RANBP17: variants seen among roughly 807,000 people sequenced by gnomAD.
The protein encoded by RANBP17 is RAN binding protein 17.
Under a neutral mutation model 141.2 loss-of-function variants are expected in RANBP17, and 158 were observed. The ratio of observed to expected loss-of-function variants is 1.12; its 90% CI spans 0.98 to 1.28. RANBP17 has a LOEUF of 1.28. Among genes scored for constraint, RANBP17 ranks in the 50% most tolerant of loss-of-function variants. The pLI, the probability that RANBP17 is intolerant of heterozygous loss-of-function variation, is 0.00. For synonymous variants in RANBP17, 430 were observed against 450.0 expected, an observed-to-expected ratio of 0.96 and a Z score of 0.56; for missense variants, 1,438 against 1,290.7, an observed-to-expected ratio of 1.11 and a Z score of -1.75.
chr5:171,121,652 A>C (rs1053171234), intron 14 of RANBP17, among the ~76,000 whole-genome samples: 3 of 152,136 alleles, frequency 2.0e-5, no homozygotes, highest in African/African-American at 7.2e-5. Flanking sequence ...TTCTGGGTAG[A>C]AGTGAGGACA....
In RANBP17 at chr5:170,909,622, A is replaced by G. The variant is rs76971279; in HGVS notation, c.490-39A>G. 5,298 of 673,536 alleles carry G rather than the reference A, an allele frequency of 7.9e-3. 262 individuals carry two copies. In the African/African-American group the frequency reaches 0.11, roughly 14 times the overall value. 41.7% of individuals were successfully genotyped at this position (673,536 alleles called of 1,614,324 possible). A position where few individuals can be genotyped will look rare whatever the true frequency, so the allele number is the denominator to read the frequency against. ...TTAGTAAATTTTGGTTTGCTTTTTC[A>G]TAGGTCTGGTTAAACTAATTTCATC... On this transcript the variant is annotated intron_variant, in intron 5 of 27. Transcript: ENST00000523189.
chr5:171,166,325 T>G (rs904144452), intron 14 of RANBP17, among the ~76,000 whole-genome samples: 9 of 152,184 alleles, frequency 5.9e-5, no homozygotes, highest in Admixed American at 5.9e-4. Context: ...ACAGATAGGT[T>G]TAGTCTCTTA....
At chr5:170,987,189 A>T (rs1778202725) in intron 14 of RANBP17, among the ~76,000 whole-genome samples, 1 of 151,788 alleles carries the variant, frequency 6.6e-6, no homozygotes, top group South Asian at 2.1e-4. Flanking sequence ...CATGTAGATT[A>T]TAGGGGAAAG....
chr5:171,065,397 C>A (rs1041288382), intron 14 of RANBP17, among the ~76,000 whole-genome samples: 1 of 152,130 alleles, frequency 6.6e-6, no homozygotes, highest in East Asian at 1.9e-4. Context: ...AACCTAGATC[C>A]CTCCCATGCA....
chr5:170,862,793 C>T (rs1216591663), intron 1 of RANBP17, among the ~76,000 whole-genome samples: 2 of 152,220 alleles, frequency 1.3e-5, no homozygotes, highest in Non-Finnish European at 2.9e-5. Flanking sequence ...CCCACTGTGT[C>T]TCAAGCATTG....
intron 24 of RANBP17, among the ~76,000 whole-genome samples, chr5:171,247,103 A>G (rs1470564388): frequency 6.6e-6 from 1 of 152,208 alleles, no homozygotes. Context: ...GAGGTGAAAC[A>G]ATTTGCCTAA....
intron 14 of RANBP17, among the ~76,000 whole-genome samples, chr5:171,063,930 G>T (rs867927496): frequency 6.6e-6 from 1 of 152,248 alleles, no homozygotes; most frequent in African/African-American, 2.4e-5. Flanking sequence ...TGTGCTAGCA[G>T]TCAGCGAGAC....
At chr5:171,089,232 T>G (rs1396545954) in intron 14 of RANBP17, among the ~76,000 whole-genome samples, 1 of 113,752 alleles carries the variant, frequency 8.8e-6, no homozygotes, top group Non-Finnish European at 2.0e-5. Context: ...GAGGTGTCAG[T>G]GTGCCCCTGC....
chr5:170,867,760 A>G (rs1767380365), intron 1 of RANBP17, among the ~76,000 whole-genome samples: 1 of 152,224 alleles, frequency 6.6e-6, no homozygotes, highest in Non-Finnish European at 1.5e-5. Flanking sequence ...CTGAAGTACA[A>G]TTGATAATAA....
chr5:170,987,397 C>T (rs894764308), intron 14 of RANBP17, among the ~76,000 whole-genome samples: 1 of 151,190 alleles, frequency 6.6e-6, no homozygotes, highest in African/African-American at 2.4e-5. Flanking sequence ...GTTAGGTTTT[C>T]CTTCTTGGTG....
intron 12 of RANBP17, among the ~76,000 whole-genome samples, chr5:170,926,276 T>C (rs915272978): frequency 6.6e-6 from 1 of 152,186 alleles, no homozygotes; most frequent in Non-Finnish European, 1.5e-5. Flanking sequence ...GGCTGTCTTA[T>C]AGGCTGTAGT....
At chr5:171,211,632 T>A (rs1420676037) in intron 20 of RANBP17, among the ~76,000 whole-genome samples, 1 of 150,226 alleles carries the variant, frequency 6.7e-6, no homozygotes, top group Admixed American at 6.6e-5. Context: ...GGCAGGGTTT[T>A]TTTTTTTTTT....
chr5:170,999,455 G>C (rs1267116731), intron 14 of RANBP17, among the ~76,000 whole-genome samples: 3 of 152,042 alleles, frequency 2.0e-5, no homozygotes, highest in African/African-American at 7.2e-5. Context: ...TTACTGTCTA[G>C]AGCCAATATC....
At chr5:171,280,749 C>T (rs941887911) in intron 25 of RANBP17, among the ~76,000 whole-genome samples, 1 of 152,222 alleles carries the variant, frequency 6.6e-6, no homozygotes, top group Non-Finnish European at 1.5e-5. Flanking sequence ...TTATGCTTTG[C>T]AACCTAGAAG....
At chr5:170,950,366 A>G (rs1775107971) in intron 12 of RANBP17, among the ~76,000 whole-genome samples, 2 of 152,000 alleles carry the variant, frequency 1.3e-5, no homozygotes, top group South Asian at 4.2e-4. Flanking sequence ...AGGATCACAA[A>G]TAACAGTAAA....
At chr5:171,242,945 T>A (rs1764983472) in intron 24 of RANBP17, 125 bp downstream of exon 24, 1 of 860,800 alleles carries the variant, frequency 1.2e-6, no homozygotes, top group Non-Finnish European at 1.8e-6. Context: ...ACTGAAAGAT[T>A]ATAATTATTA....
intron 12 of RANBP17, among the ~76,000 whole-genome samples, chr5:170,950,286 A>G (rs886949336): frequency 2.0e-4 from 30 of 152,172 alleles, no homozygotes; most frequent in Non-Finnish European, 2.5e-4. Flanking sequence ...GAAACAGTCA[A>G]CAGAGTGAAG....
chr5:171,047,533 C>T (rs539982265), intron 14 of RANBP17, among the ~76,000 whole-genome samples: 64 of 151,708 alleles, frequency 4.2e-4, no homozygotes, highest in Non-Finnish European at 2.9e-4. Context: ...CTCCACCTCC[C>T]GGGTTCAAGA....
chr5:170,918,669 A>G, intron 9 of RANBP17, 44 bp from the exon 10 acceptor site: 1 of 1,532,452 alleles, frequency 6.5e-7, no homozygotes, highest in Non-Finnish European at 8.8e-7. Flanking sequence ...TATTGTCCAT[A>G]GGTTGGCTTG....
Sources: gnomAD v4.1 joint callset for allele counts (sites outside exome capture counted in the v4.1 genomes callset) on GRCh38, gnomAD v4.1.1 for gene constraint, MANE v1.5 for transcripts, NCBI Gene and HGNC (gene_info 2026-07-23, HGNC 2026-07-21) for gene names.